Variants in CAMTA1 observed in about 807,000 individuals in gnomAD.
CAMTA1 encodes calmodulin binding transcription activator 1.
In CAMTA1, 27 loss-of-function variants were observed where a neutral mutation model predicts 170.9. That is an observed-to-expected ratio of 0.16 (90% CI 0.12 to 0.22). The LOEUF (loss-of-function observed/expected upper bound fraction) is 0.22. Ranked by LOEUF, CAMTA1 falls within the 10% of genes least tolerant of loss-of-function variation. The pLI, the probability that CAMTA1 is intolerant of heterozygous loss-of-function variation, is 1.00. For synonymous variants in CAMTA1, 833 were observed against 891.5 expected, an observed-to-expected ratio of 0.93 and a Z score of 1.17; for missense variants, 1,619 against 2,217.2, an observed-to-expected ratio of 0.73 and a Z score of 5.42.
chr1:7,647,409 C>T (rs1459957117), intron 7 of CAMTA1, among the ~76,000 whole-genome samples: 1 of 152,138 alleles, frequency 6.6e-6, no homozygotes, highest in Admixed American at 6.5e-5. Flanking sequence ...GGTCGACCAG[C>T]GCCACCTGGT....
chr1:7,438,813 C>T (rs2092429548), intron 5 of CAMTA1, among the ~76,000 whole-genome samples: 1 of 152,198 alleles, frequency 6.6e-6, no homozygotes, highest in East Asian at 1.9e-4. Flanking sequence ...CCTGCTGTTA[C>T]TGAGCAGGGT....
intron 4 of CAMTA1, among the ~76,000 whole-genome samples, chr1:7,151,438 G>T (rs1234943793): frequency 6.6e-6 from 1 of 152,162 alleles, no homozygotes; most frequent in East Asian, 1.9e-4. Context: ...TGTGTCTGGG[G>T]TTCCCCTGGT....
intron 3 of CAMTA1, among the ~76,000 whole-genome samples, chr1:6,852,060 A>C (rs1394098519): frequency 2.6e-5 from 4 of 151,998 alleles, no homozygotes; most frequent in African/African-American, 9.7e-5. Context: ...TACTACATTG[A>C]AAAGAGCAGT....
chr1:7,427,820 C>T (rs1050802211), intron 5 of CAMTA1, among the ~76,000 whole-genome samples: 2 of 152,192 alleles, frequency 1.3e-5, no homozygotes, highest in African/African-American at 2.4e-5. Context: ...GAGCACTCAG[C>T]CCCTCAGACA....
chr1:7,491,241 G>A (rs1350022935), intron 6 of CAMTA1, among the ~76,000 whole-genome samples: 1 of 152,138 alleles, frequency 6.6e-6, no homozygotes, highest in Non-Finnish European at 1.5e-5. Flanking sequence ...AGAGCCGGGA[G>A]GACTCCACCC....
intron 5 of CAMTA1, among the ~76,000 whole-genome samples, chr1:7,371,929 C>T (rs2150061547): frequency 6.6e-6 from 1 of 152,320 alleles, no homozygotes; most frequent in South Asian, 2.1e-4. Flanking sequence ...GGTTCTGCAT[C>T]ATCTCAGATC....
chr1:6,871,718 G>C, intron 3 of CAMTA1: 1 of 1,503,870 alleles, frequency 6.6e-7, no homozygotes, highest in Non-Finnish European at 8.9e-7. Flanking sequence ...AATTCTCAGA[G>C]ATACTAGTTT....
intron 6 of CAMTA1, among the ~76,000 whole-genome samples, chr1:7,488,288 G>A (rs1019900624): frequency 2.0e-5 from 3 of 152,154 alleles, no homozygotes; most frequent in African/African-American, 7.2e-5. Flanking sequence ...AAGTGTGGGT[G>A]CTCCTGGTAG....
intron 7 of CAMTA1, among the ~76,000 whole-genome samples, chr1:7,656,068 A>G (rs1343703403): frequency 6.6e-6 from 1 of 152,184 alleles, no homozygotes; most frequent in African/African-American, 2.4e-5. Context: ...GAAGGCCCTC[A>G]CCAGGCACTG....
intron 5 of CAMTA1, among the ~76,000 whole-genome samples, chr1:7,303,051 C>A (rs766952781): frequency 1.3e-5 from 2 of 152,186 alleles, no homozygotes; most frequent in Admixed American, 6.5e-5. Flanking sequence ...GACAGTACCA[C>A]CGCCTTCCTC....
intron 4 of CAMTA1, among the ~76,000 whole-genome samples, chr1:7,198,177 C>T (rs1655920944): frequency 2.6e-5 from 4 of 151,988 alleles, no homozygotes; most frequent in African/African-American, 9.7e-5. Flanking sequence ...CTTTCTCTTG[C>T]ATAAAAGGTT....
intron 1 of CAMTA1, among the ~76,000 whole-genome samples, chr1:6,798,717 C>T (rs1643185092): frequency 7.2e-6 from 1 of 139,424 alleles, no homozygotes; most frequent in Non-Finnish European, 1.6e-5. Context: ...CTGCCTCAGC[C>T]TCCCGAGTAG....
rs531369748 is a variant in CAMTA1, at chr1:7,633,667, C to T, written c.511-6733C>T. On this transcript the variant is annotated intron_variant, in intron 6 of 22. Transcript: ENST00000303635. The surrounding 1 kb of genome is among the most constrained non-coding windows in gnomAD (Gnocchi z 4.1). ...TGGCCCGTGTGCTGGAGCAGCTTGG[C>T]GGCACCCCGCTATGCCCCCGGTTTT... 5.3e-5 allele frequency among the ~76,000 whole-genome samples: 8 copies of T among 152,324 alleles called. No individual in the cohort carries two copies. The highest frequency in any genetic ancestry group is 7.4e-5 in the Non-Finnish European group (5 of 68,018).
chr1:7,574,849 A>C (rs1345335597), intron 6 of CAMTA1, among the ~76,000 whole-genome samples: 3 of 152,158 alleles, frequency 2.0e-5, no homozygotes, highest in African/African-American at 7.2e-5. Flanking sequence ...TTCATTTTGC[A>C]GGCCCCAGAC....
At chr1:7,350,064 A>G (rs989365994) in intron 5 of CAMTA1, among the ~76,000 whole-genome samples, 2 of 152,104 alleles carry the variant, frequency 1.3e-5, no homozygotes, top group African/African-American at 2.4e-5. Flanking sequence ...TATCTCACCT[A>G]TGGATCCTCA....
chr1:7,477,547 C>T (rs1169757278), intron 6 of CAMTA1, among the ~76,000 whole-genome samples: 2 of 152,170 alleles, frequency 1.3e-5, no homozygotes, highest in South Asian at 2.1e-4. Context: ...TTGCAGTTTA[C>T]GATGCCAAGG....
intron 5 of CAMTA1, among the ~76,000 whole-genome samples, chr1:7,294,056 G>T (rs1228823520): frequency 6.6e-6 from 1 of 152,208 alleles, no homozygotes; most frequent in Non-Finnish European, 1.5e-5. Flanking sequence ...TATGCAGAGG[G>T]CGTTAGTTGA....
intron 4 of CAMTA1, among the ~76,000 whole-genome samples, chr1:7,096,732 T>A (rs1225036457): frequency 6.6e-6 from 1 of 152,224 alleles, no homozygotes; most frequent in African/African-American, 2.4e-5. Context: ...ACTGCCACTG[T>A]TACGCTTGGA....
chr1:7,081,002 C>G (rs1639927687), intron 3 of CAMTA1, among the ~76,000 whole-genome samples: 2 of 152,238 alleles, frequency 1.3e-5, no homozygotes, highest in South Asian at 4.1e-4. Context: ...GGCCAAAATT[C>G]AGACCTCTTC....
Sources: allele counts gnomAD v4.1 joint callset (sites outside exome capture counted in the v4.1 genomes callset), GRCh38; gene constraint gnomAD v4.1.1; non-coding constraint Gnocchi (gnomAD v3.1); transcripts MANE v1.5; gene names NCBI Gene and HGNC (gene_info 2026-07-23, HGNC 2026-07-21).